The following TNFSF13B variants were observed in gnomAD, a reference collection of about 807,000 sequenced individuals.
TNFSF13B encodes the protein TNF superfamily member 13b.
In TNFSF13B, 8 loss-of-function variants were observed where a neutral mutation model predicts 29.1. The ratio of observed to expected loss-of-function variants is 0.27; its 90% CI spans 0.16 to 0.50. The LOEUF is 0.50. Ranked by LOEUF, TNFSF13B falls within the 20% of genes least tolerant of loss-of-function variation. The pLI, the probability that TNFSF13B is intolerant of heterozygous loss-of-function variation, is 0.98. For synonymous variants in TNFSF13B, 125 were observed against 130.8 expected, an observed-to-expected ratio of 0.96 and a Z score of 0.30; for missense variants, 248 against 334.9, an observed-to-expected ratio of 0.74 and a Z score of 2.03.
chr13:108,284,297 C>G (rs1020674326), intron 2 of TNFSF13B, among the ~76,000 whole-genome samples: 3 of 152,008 alleles, frequency 2.0e-5, no homozygotes, highest in Admixed American at 1.3e-4. Flanking sequence ...CCACTGCACT[C>G]CAGCCTGGGC....
chr13:108,303,974 G>A (rs1042114738), intron 5 of TNFSF13B, among the ~76,000 whole-genome samples: 2 of 152,102 alleles, frequency 1.3e-5, no homozygotes, highest in Non-Finnish European at 1.5e-5. Context: ...TATCTGACAA[G>A]GATAGAGTGA....
intron 2 of TNFSF13B, among the ~76,000 whole-genome samples, chr13:108,281,592 G>C (rs567918850): frequency 1.3e-5 from 2 of 152,252 alleles, no homozygotes; most frequent in Admixed American, 1.3e-4. Context: ...TTCACACACA[G>C]ACAGGAACAT....
chr13:108,281,401 A>G (rs1224616371), intron 2 of TNFSF13B, among the ~76,000 whole-genome samples: 1 of 152,136 alleles, frequency 6.6e-6, no homozygotes, highest in Admixed American at 6.5e-5. Flanking sequence ...CTATAGTGCT[A>G]TTATCTTTCT....
At position 108,271,574 on chromosome 13, in the gene TNFSF13B, T is replaced by A. The variant is rs578166046; in HGVS notation, c.424+1150T>A. On this transcript the variant is annotated intron_variant, in intron 2 of 5. Coordinates refer to ENST00000375887, the MANE Select transcript of TNFSF13B (RefSeq NM_006573.5). Reference sequence around the variant, plus strand: ...TGTTTCTTATTTTATAAAACCATAATTTTTGGTATCTGGTTATTGTATCTT... The same window carrying A: ...TGTTTCTTATTTTATAAAACCATAAATTTTGGTATCTGGTTATTGTATCTT... 3.9e-5 allele frequency among the ~76,000 whole-genome samples: 6 copies of A among 152,196 alleles called. No individual in the cohort carries two copies. The South Asian group carries it at 1.2e-3, about 32-fold the overall frequency.
rs561931746 is a variant in TNFSF13B at position 108,276,851 on chromosome 13, C to T, written c.424+6427C>T. ...ACCTGTGTTGTTTTTATTAGTAATT[C>T]CATATGAATGGAAAATGTTAGTTTT... is the stretch of plus-strand genomic sequence containing the variant. On this transcript the variant is annotated intron_variant, in intron 2 of 5. Transcript: ENST00000375887. Among the ~76,000 whole-genome samples, 7 of 152,066 alleles carry T rather than the reference C, an allele frequency of 4.6e-5. No individual in the cohort carries two copies. In the South Asian group the frequency reaches 1.0e-3, roughly 23 times the overall value.
intron 2 of TNFSF13B, among the ~76,000 whole-genome samples, chr13:108,280,680 A>G (rs1422498406): frequency 6.6e-6 from 1 of 152,194 alleles, no homozygotes; most frequent in African/African-American, 2.4e-5. Flanking sequence ...ATATTAGATG[A>G]ATAGTAAACT....
chr13:108,272,664 A>G (rs1394810680), intron 2 of TNFSF13B, among the ~76,000 whole-genome samples: 4 of 151,930 alleles, frequency 2.6e-5, no homozygotes, highest in Non-Finnish European at 5.9e-5. Context: ...TCCTCATAAG[A>G]GTTGAATCTA....
At chr13:108,276,099 C>T (rs543940924) in intron 2 of TNFSF13B, among the ~76,000 whole-genome samples, 2 of 152,262 alleles carry the variant, frequency 1.3e-5, no homozygotes, top group East Asian at 1.9e-4. Flanking sequence ...AGTCTTTGCC[C>T]GGTTGGCATT....
intron 3 of TNFSF13B, chr13:108,301,205 T>G (rs1881613038): frequency 6.6e-6 from 1 of 152,198 alleles, no homozygotes; most frequent in Admixed American, 6.6e-5. Context: ...ACCAAGTATA[T>G]ATCCAAAGAA....
At chr13:108,299,064 C>T (rs913969483) in intron 3 of TNFSF13B, among the ~76,000 whole-genome samples, 2 of 146,106 alleles carry the variant, frequency 1.4e-5, no homozygotes, top group African/African-American at 5.1e-5. Flanking sequence ...TTGAGTCTTC[C>T]TATTCATAAA....
rs1881793628 is a variant in TNFSF13B, at chr13:108,307,007, T to G, written c.*69T>G. The stretch of plus-strand genomic sequence containing the variant: ...TACCTCTAAGAAGAAAGAATCTAAC[T>G]GAAAATACCAAAAAAAAAAAAAAAA... On this transcript the variant is annotated 3_prime_UTR_variant, in exon 6 of 6. Coordinates refer to ENST00000375887, the MANE Select transcript of TNFSF13B (RefSeq NM_006573.5). 3 of 125,396 alleles carry G rather than the reference T, an allele frequency of 2.4e-5. No individual in the cohort carries two copies. Among genetic ancestry groups the G allele is most frequent in the East Asian group, 1.9e-4 (1 of 5,140 alleles). The allele number at this position is 125,396 out of a possible 1,614,324, so 7.8% of individuals were successfully genotyped here.
In TNFSF13B at chr13:108,307,626, T is replaced by A. The variant is rs1314684761; in HGVS notation, c.*688T>A. The A allele has an allele frequency of 6.6e-6, 1 of 152,016 alleles. No homozygotes were observed. The highest frequency in any genetic ancestry group is 1.5e-5 in the Non-Finnish European group (1 of 67,932). The allele number at this position is 152,016 out of a possible 1,614,324, so 9.4% of individuals were successfully genotyped here. A position where few individuals can be genotyped will look rare whatever the true frequency, so the allele number is the denominator to read the frequency against. The stretch of plus-strand genomic sequence containing the variant: ...TTTTCACAGGAGAGAGAGAATATCC[T>A]CATTTGTTTATGCTCATGTGTATTT... On this transcript the variant is annotated 3_prime_UTR_variant, in exon 6 of 6. Transcript: ENST00000375887.
chr13:108,285,603 T>G (rs1881104887), intron 2 of TNFSF13B, among the ~76,000 whole-genome samples: 1 of 152,214 alleles, frequency 6.6e-6, no homozygotes, highest in Non-Finnish European at 1.5e-5. Flanking sequence ...TTATAAATAA[T>G]CCCATTGAAC....
At chr13:108,274,403 T>C (rs1166228866) in intron 2 of TNFSF13B, among the ~76,000 whole-genome samples, 2 of 151,466 alleles carry the variant, frequency 1.3e-5, no homozygotes, top group African/African-American at 4.8e-5. Flanking sequence ...ATACATAGTG[T>C]GCATATGTGT....
intron 3 of TNFSF13B, among the ~76,000 whole-genome samples, chr13:108,291,549 A>G (rs1881313489): frequency 6.6e-6 from 1 of 151,906 alleles, no homozygotes. Flanking sequence ...TTTTGTGTAT[A>G]AAAGCCTTGA....
At chr13:108,279,870 C>A (rs781056838) in intron 2 of TNFSF13B, among the ~76,000 whole-genome samples, 1 of 152,002 alleles carries the variant, frequency 6.6e-6, no homozygotes, top group Non-Finnish European at 1.5e-5. Context: ...TAATTTTGTC[C>A]GTGATGCTCC....
At chr13:108,286,020 A>G (rs1335603332) in intron 2 of TNFSF13B, among the ~76,000 whole-genome samples, 1 of 152,246 alleles carries the variant, frequency 6.6e-6, no homozygotes, top group Non-Finnish European at 1.5e-5. Flanking sequence ...TACATGTAAT[A>G]TGTGATGTGA....
chr13:108,270,548 C>G, intron 2 of TNFSF13B, 124 bp downstream of exon 2: 1 of 929,752 alleles, frequency 1.1e-6, no homozygotes. Flanking sequence ...ATTTGCCATC[C>G]AAAGCAGACA....
intron 2 of TNFSF13B, among the ~76,000 whole-genome samples, chr13:108,272,505 C>T (rs946294770): frequency 2.6e-5 from 4 of 151,866 alleles, no homozygotes; most frequent in African/African-American, 9.7e-5. Context: ...CTCATTAGTC[C>T]TTCTGTTGTT....
Sources: gnomAD v4.1 joint callset for allele counts (sites outside exome capture counted in the v4.1 genomes callset) on GRCh38, gnomAD v4.1.1 for gene constraint, MANE v1.5 for transcripts, NCBI Gene and HGNC (gene_info 2026-07-23, HGNC 2026-07-21) for gene names.